The following RASSF5 variants were observed in gnomAD, a reference collection of about 807,000 sequenced individuals.
RASSF5 encodes the protein Ras association domain family member 5, also known as ras association domain-containing protein 5.
Under a neutral mutation model 40.5 loss-of-function variants are expected in RASSF5, and 25 were observed. That is an observed-to-expected ratio of 0.62 (90% CI 0.45 to 0.86). RASSF5 has a LOEUF of 0.86. RASSF5 is among the 40% of genes least tolerant of loss of function. The pLI, the probability that RASSF5 is intolerant of heterozygous loss-of-function variation, is 0.00. For synonymous variants in RASSF5, 246 were observed against 252.4 expected (o/e 0.97, Z 0.24); for missense variants, 521 against 572.8 (o/e 0.91, Z 0.92).
chr1:206,538,242 A>G lies in RASSF5; in HGVS notation c.528A>G (p.Leu176=), dbSNP rs1558504539. Residue 176 remains leucine, a synonymous_variant, in exon 2 of 6, where the codon TTA becomes TTG. Coordinates refer to ENST00000579436, the MANE Select transcript of RASSF5 (RefSeq NM_182663.4). ...IQLDCSQQEG[L]SRDRPSPEST... is the part of the protein sequence containing the mutation. The stretch of plus-strand genomic sequence containing the variant: ...TGGACTGCAGTCAGCAGGAGGGTTT[A>G]TCCCGGGACAGACCCTCTCCAGAAA... 15 of 1,614,190 alleles carry G rather than the reference A, an allele frequency of 9.3e-6. No homozygotes were observed. Among genetic ancestry groups the G allele is most frequent in the Non-Finnish European group, 1.2e-5 (14 of 1,180,022 alleles).
chr1:206,532,133 A>G (rs573816165), intron 1 of RASSF5, among the ~76,000 whole-genome samples: 70 of 152,352 alleles, frequency 4.6e-4, no homozygotes, highest in African/African-American at 1.6e-3. Context: ...GTGCCTAAGA[A>G]CAAAATTATC....
intron 3 of RASSF5, chr1:206,583,729 C>T (rs1668986570): frequency 7.4e-6 from 2 of 271,064 alleles, no homozygotes; most frequent in African/African-American, 4.5e-5. Context: ...TTAGTTGCTC[C>T]CCTTCCTACC....
At chr1:206,518,521 G>A (rs998723386) in intron 1 of RASSF5, 15 of 398,534 alleles carry the variant, frequency 3.8e-5, no homozygotes, top group Middle Eastern at 6.2e-4. Flanking sequence ...CAGAGGTTCC[G>A]CAACGGGGCC....
chr1:206,575,014 A>G (rs985730435), intron 2 of RASSF5, among the ~76,000 whole-genome samples: 8 of 138,510 alleles, frequency 5.8e-5, no homozygotes, highest in African/African-American at 1.8e-4. Context: ...CGCACGGATA[A>G]TTTTTTTGTT....
At chr1:206,526,724 G>A (rs1667106198) in intron 1 of RASSF5, among the ~76,000 whole-genome samples, 1 of 152,156 alleles carries the variant, frequency 6.6e-6, no homozygotes, top group Admixed American at 6.5e-5. Context: ...AGTGGGAGCA[G>A]GTGGGAGGAA....
intron 2 of RASSF5, among the ~76,000 whole-genome samples, chr1:206,549,609 G>T (rs1256395311): frequency 6.6e-6 from 1 of 152,170 alleles, no homozygotes; most frequent in Admixed American, 6.5e-5. Context: ...ACTGCACCCA[G>T]CCCTGTGGAA....
intron 1 of RASSF5, among the ~76,000 whole-genome samples, chr1:206,523,364 ATAATATAAATATTATATTATATAAATT>A (rs1666958583): frequency 7.8e-6 from 1 of 128,122 alleles, no homozygotes; most frequent in South Asian, 2.1e-4. Flanking sequence ...TATATATTAT[ATAATATAAATATTATATTATATAAATT>A]TAATATAAAT....
chr1:206,518,772 G>A (rs1666829231), intron 1 of RASSF5, among the ~76,000 whole-genome samples: 1 of 152,004 alleles, frequency 6.6e-6, no homozygotes, highest in South Asian at 2.1e-4. Context: ...TGCCTGTTTT[G>A]GAGGCCTTGA....
rs1029730969 is a variant in RASSF5, at chr1:206,587,181, C to T, written c.*203C>T. 5 of 582,652 alleles carry T rather than the reference C, an allele frequency of 8.6e-6. No homozygotes were observed. Among genetic ancestry groups the T allele is most frequent in the Non-Finnish European group, 1.5e-5 (5 of 328,154 alleles). 36.1% of individuals were successfully genotyped at this position (582,652 alleles called of 1,614,324 possible). ...TGCCCGCCCCCAGGCTGTGCCCCAC[C>T]ACAGATTCTGCCAAGGATCAGAACT... On this transcript the variant is annotated 3_prime_UTR_variant, in exon 6 of 6. Transcript: ENST00000579436.
chr1:206,527,018 A>G (rs1194982342), intron 1 of RASSF5, among the ~76,000 whole-genome samples: 1 of 152,226 alleles, frequency 6.6e-6, no homozygotes, highest in Non-Finnish European at 1.5e-5. Context: ...AATTGAGGCT[A>G]ACTAAATTCC....
chr1:206,558,297 C>G (rs1668046389), intron 2 of RASSF5, among the ~76,000 whole-genome samples: 1 of 152,030 alleles, frequency 6.6e-6, no homozygotes, highest in Non-Finnish European at 1.5e-5. Flanking sequence ...GCGTGTGTTT[C>G]CTGATGGCAT....
chr1:206,538,582 C>A (rs1433799337), intron 2 of RASSF5, among the ~76,000 whole-genome samples: 1 of 152,176 alleles, frequency 6.6e-6, no homozygotes, highest in Non-Finnish European at 1.5e-5. Context: ...GGGTGGCTTC[C>A]AGAGAAGCCT....
intron 1 of RASSF5, among the ~76,000 whole-genome samples, chr1:206,526,075 A>G (rs984981625): frequency 5.3e-5 from 8 of 152,156 alleles, no homozygotes; most frequent in African/African-American, 1.9e-4. Context: ...GGAACTCAGC[A>G]TCTGAACCAA....
At chr1:206,536,674 T>C (rs1667421209) in intron 1 of RASSF5, among the ~76,000 whole-genome samples, 1 of 152,094 alleles carries the variant, frequency 6.6e-6, no homozygotes, top group Non-Finnish European at 1.5e-5. Context: ...TTTTGGAGCT[T>C]GTTAGAAGGA....
At chr1:206,523,650 T>TTATATAAAA (rs1385420090) in intron 1 of RASSF5, among the ~76,000 whole-genome samples, 1 of 99,188 alleles carries the variant, frequency 1.0e-5, no homozygotes, top group Non-Finnish European at 1.9e-5. Context: ...TATAATATAT[T>TTATATAAAA]TATATAAAAT....
chr1:206,508,016 C>T lies in RASSF5; in HGVS notation c.414C>T (p.Asp138=). Residue 138 remains aspartate, a synonymous_variant, in exon 1 of 6, where the codon GAC becomes GAT. Transcript: ENST00000579436. ...TGCCGGGCGGCCCCGGCTGGTGTGA[C>T]CTGTGCGGACGAGAGGTGCTGCGGC... ...LVLPGGPGWC[D]LCGREVLRQA... 4 of 1,471,062 alleles carry T rather than the reference C, an allele frequency of 2.7e-6. No individual in the cohort carries two copies. Among genetic ancestry groups the T allele is most frequent in the Non-Finnish European group, 3.6e-6 (4 of 1,112,862 alleles). 91.1% of individuals were successfully genotyped at this position (1,471,062 alleles called of 1,614,324 possible).
rs1006706460 is a variant in RASSF5, at chr1:206,507,786, G to A, written c.184G>A (p.Ala62Thr). ...TAPGAREGRS[A>T]RRAARGNLEP... is the part of the protein sequence containing the mutation. ...GCCCGGGGCGCGCGAGGGGCGCAGC[G>A]CCCGGAGGGCTGCCCGGGGGAACCT... is the stretch of plus-strand genomic sequence containing the variant. The change falls in exon 1 of 6, where the codon GCC becomes ACC. Residue 62 changes from alanine to threonine, a missense_variant. Ala to Thr is a moderately conservative substitution (Grantham distance 58). Coordinates refer to ENST00000579436, the MANE Select transcript of RASSF5 (RefSeq NM_182663.4). The A allele has an allele frequency of 7.9e-6, 11 of 1,389,538 alleles. No homozygotes were observed. The highest frequency in any genetic ancestry group is 6.1e-5 in the African/African-American group (4 of 65,458). 86.1% of individuals were successfully genotyped at this position (1,389,538 alleles called of 1,614,324 possible). A position where few individuals can be genotyped will look rare whatever the true frequency, so the allele number is the denominator to read the frequency against.
intron 2 of RASSF5, among the ~76,000 whole-genome samples, chr1:206,550,812 A>G (rs1420078586): frequency 5.9e-5 from 9 of 152,194 alleles, no homozygotes; most frequent in African/African-American, 2.2e-4. Context: ...GGTGTGAACA[A>G]TGCTGCTCTC....
intron 2 of RASSF5, among the ~76,000 whole-genome samples, chr1:206,539,191 G>A (rs1481729240): frequency 6.6e-6 from 1 of 152,152 alleles, no homozygotes; most frequent in Non-Finnish European, 1.5e-5. Flanking sequence ...AGTTTCGAGT[G>A]TTCACCATGT....
Sources: gnomAD v4.1 joint callset for allele counts (sites outside exome capture counted in the v4.1 genomes callset) on GRCh38, gnomAD v4.1.1 for gene constraint, MANE v1.5 for transcripts, NCBI Gene and HGNC (gene_info 2026-07-23, HGNC 2026-07-21) for gene names.